LRRC4C: variants seen among roughly 807,000 people sequenced by gnomAD.
LRRC4C encodes leucine-rich repeat-containing protein 4C.
A neutral mutation model predicts 33.6 loss-of-function variants in LRRC4C; 5 were observed. That is an observed-to-expected ratio of 0.15 (90% confidence interval 0.08 to 0.31). The LOEUF (loss-of-function observed/expected upper bound fraction) is 0.31. Among genes scored for constraint, LRRC4C ranks in the 10% least tolerant of loss-of-function variants. LRRC4C has a pLI of 1.00. For missense variants in LRRC4C, 560 were observed against 796.7 expected (o/e 0.70, Z 3.58); for synonymous variants, 329 against 302.0 (o/e 1.09, Z -0.93).
chr11:40,518,451 T>C (rs973506431), intron 3 of LRRC4C, among the ~76,000 whole-genome samples: 1 of 152,138 alleles, frequency 6.6e-6, no homozygotes. Context: ...ACAAAGGATA[T>C]GAACACACAC....
intron 3 of LRRC4C, among the ~76,000 whole-genome samples, chr11:40,592,345 G>A (rs1349470335): frequency 1.3e-5 from 2 of 152,126 alleles, no homozygotes; most frequent in Non-Finnish European, 2.9e-5. Flanking sequence ...TGGAGGGGTG[G>A]CTGAAACACA....
chr11:41,325,919 A>C (rs1324111084), intron 1 of LRRC4C, among the ~76,000 whole-genome samples: 3 of 152,144 alleles, frequency 2.0e-5, no homozygotes, highest in Non-Finnish European at 4.4e-5. Flanking sequence ...ACTGGGCTTA[A>C]TACATGGGTG....
chr11:40,696,288 A>ATATATATGAG (rs1945509651), intron 2 of LRRC4C, among the ~76,000 whole-genome samples: 17 of 125,578 alleles, frequency 1.4e-4, no homozygotes, highest in African/African-American at 1.7e-4. Context: ...CCACATATAT[A>ATATATATGAG]TATATATATA....
intron 1 of LRRC4C, among the ~76,000 whole-genome samples, chr11:41,277,719 A>C (rs1176936565): frequency 1.3e-5 from 2 of 152,132 alleles, no homozygotes; most frequent in Non-Finnish European, 2.9e-5. Flanking sequence ...TTCTGCCTGA[A>C]ATTATGTTAG....
At chr11:40,710,209 T>C (rs886215266) in intron 2 of LRRC4C, among the ~76,000 whole-genome samples, 1 of 152,220 alleles carries the variant, frequency 6.6e-6, no homozygotes, top group Non-Finnish European at 1.5e-5. Context: ...TCAAAGTCAT[T>C]CTCCATCCTG....
intron 2 of LRRC4C, among the ~76,000 whole-genome samples, chr11:40,916,765 G>A (rs1182887315): frequency 6.6e-6 from 1 of 151,428 alleles, no homozygotes; most frequent in Non-Finnish European, 1.5e-5. Flanking sequence ...TGTCTAGTAA[G>A]ACACAATGAC....
Position 40,931,097 on chromosome 11 carries a change from C to T in LRRC4C, c.-407+2538G>A, listed in dbSNP as rs568923386. ...CCCAGAAGAGTTTTAGAATCTCAGA[C>T]CTGGGGCAAATACACTCAAGTTGAT... On this transcript the variant is annotated intron_variant, in intron 2 of 6. Coordinates refer to ENST00000528697, the MANE Select transcript of LRRC4C (RefSeq NM_001258419.2). Among the ~76,000 whole-genome samples, 3 of 152,128 alleles carry T rather than the reference C, an allele frequency of 2.0e-5. No individual in the cohort carries two copies. The South Asian group carries it at 6.2e-4, about 32-fold the overall frequency.
chr11:40,327,776 A>T (rs1475151872), intron 3 of LRRC4C, among the ~76,000 whole-genome samples: 3 of 152,166 alleles, frequency 2.0e-5, no homozygotes, highest in Non-Finnish European at 1.5e-5. Flanking sequence ...AGCGGAATTC[A>T]TAAAACTGGT....
intron 4 of LRRC4C, among the ~76,000 whole-genome samples, chr11:40,246,646 T>G (rs887515647): frequency 4.0e-5 from 6 of 151,818 alleles, no homozygotes; most frequent in African/African-American, 7.3e-5. Flanking sequence ...ATATCTTCTG[T>G]TTTTTTTAAT....
chr11:41,386,308 A>G (rs1206050378), intron 1 of LRRC4C, among the ~76,000 whole-genome samples: 1 of 150,880 alleles, frequency 6.6e-6, no homozygotes, highest in African/African-American at 2.5e-5. Context: ...AGACTTACTT[A>G]CTTTTCACCA....
intron 3 of LRRC4C, among the ~76,000 whole-genome samples, chr11:40,506,525 A>C (rs1227356795): frequency 1.3e-5 from 2 of 152,104 alleles, no homozygotes; most frequent in African/African-American, 4.8e-5. Context: ...AATCTAAACT[A>C]TTTATCTATT....
intron 2 of LRRC4C, among the ~76,000 whole-genome samples, chr11:40,858,692 TA>T (rs201131448): frequency 0.22 from 17,804 of 80,040 alleles, 2,128 homozygotes; most frequent in African/African-American, 0.44. Flanking sequence ...GACTCCTTCT[TA>T]AAAAAAAAAA....
At chr11:40,262,998 A>T (rs1377499903) in intron 4 of LRRC4C, among the ~76,000 whole-genome samples, 1 of 151,836 alleles carries the variant, frequency 6.6e-6, no homozygotes, top group African/African-American at 2.4e-5. Context: ...AAAAAAAAGA[A>T]TTTTTTTTGG....
At chr11:40,665,384 ATATT>A (rs1284638933) in intron 2 of LRRC4C, among the ~76,000 whole-genome samples, 3 of 95,024 alleles carry the variant, frequency 3.2e-5, no homozygotes, top group Admixed American at 1.3e-4. Flanking sequence ...ATATATATAT[ATATT>A]ATTAGGGGTA....
chr11:40,671,818 C>T (rs1039078071), intron 2 of LRRC4C, among the ~76,000 whole-genome samples: 10 of 151,998 alleles, frequency 6.6e-5, no homozygotes, highest in Admixed American at 3.9e-4. Context: ...TTTCATCGTG[C>T]CTATCACTAT....
chr11:41,032,449 CTG>C (rs2137835834), intron 1 of LRRC4C, among the ~76,000 whole-genome samples: 1 of 152,044 alleles, frequency 6.6e-6, no homozygotes, highest in East Asian at 1.9e-4. Flanking sequence ...AAACTTTCAA[CTG>C]TGTGTGTGGT....
intron 2 of LRRC4C, among the ~76,000 whole-genome samples, chr11:40,932,844 T>C (rs1479118049): frequency 6.6e-6 from 1 of 152,168 alleles, no homozygotes; most frequent in East Asian, 1.9e-4. Flanking sequence ...GGTCACATCC[T>C]ATTCAGGACT....
chr11:41,204,491 A>C (rs1946520004), intron 1 of LRRC4C, among the ~76,000 whole-genome samples: 1 of 152,144 alleles, frequency 6.6e-6, no homozygotes, highest in South Asian at 2.1e-4. Flanking sequence ...GTCAGGCAAC[A>C]TGACTTAGAT....
chr11:41,092,633 A>C (rs966363303), intron 1 of LRRC4C, among the ~76,000 whole-genome samples: 1 of 152,232 alleles, frequency 6.6e-6, no homozygotes, highest in African/African-American at 2.4e-5. Flanking sequence ...TGCTGCCTCT[A>C]ATCCACTGAT....
Sources: gnomAD v4.1 joint callset for allele counts (sites outside exome capture counted in the v4.1 genomes callset) on GRCh38, gnomAD v4.1.1 for gene constraint, MANE v1.5 for transcripts, NCBI Gene and HGNC (gene_info 2026-07-23, HGNC 2026-07-21) for gene names.